Variants in TRPC6 observed in about 807,000 individuals in gnomAD.
TRPC6 encodes short transient receptor potential channel 6.
A neutral mutation model predicts 90.7 loss-of-function variants in TRPC6; 55 were observed. That is an observed-to-expected ratio of 0.61 (90% CI 0.49 to 0.76). The LOEUF (loss-of-function observed/expected upper bound fraction) is 0.76, where lower values mean the gene tolerates loss of function less well. Among genes scored for constraint, TRPC6 ranks in the 30% least tolerant of loss-of-function variants. The pLI is 0.00. For synonymous variants in TRPC6, 393 were observed against 393.0 expected, an observed-to-expected ratio of 1.00 and a Z score of 0.00; for missense variants, 989 against 1,122.7, an observed-to-expected ratio of 0.88 and a Z score of 1.70.
intron 1 of TRPC6, among the ~76,000 whole-genome samples, chr11:101,505,182 G>A (rs1860230388): frequency 6.6e-6 from 1 of 152,180 alleles, no homozygotes; most frequent in Admixed American, 6.5e-5. Context: ...ATTTTAAGAA[G>A]TAGAGACAAT....
At chr11:101,547,800 T>C (rs1314795940) in intron 1 of TRPC6, among the ~76,000 whole-genome samples, 1 of 152,134 alleles carries the variant, frequency 6.6e-6, no homozygotes, top group South Asian at 2.1e-4. Flanking sequence ...TGTATCTTCT[T>C]TGATCCCAGT....
At chr11:101,574,041 A>C (rs1254972782) in intron 1 of TRPC6, among the ~76,000 whole-genome samples, 3 of 150,450 alleles carry the variant, frequency 2.0e-5, no homozygotes, top group African/African-American at 7.4e-5. Context: ...TGGAACTGTT[A>C]CTCAAAACAG....
At position 101,485,455 on chromosome 11, in the gene TRPC6, C is replaced by T. The variant is rs191916457; in HGVS notation, c.1294-2290G>A. 4.7e-4 allele frequency among the ~76,000 whole-genome samples: 72 copies of T among 151,986 alleles called. No individual in the cohort carries two copies. The East Asian group carries it at 9.1e-3, about 19-fold the overall frequency. On this transcript the variant is annotated intron_variant, in intron 4 of 12. Coordinates refer to ENST00000344327, the MANE Select transcript of TRPC6 (RefSeq NM_004621.6). ...TGTTATATTTCCATGATATGTTTCA[C>T]ATAAAATTTTAATTCTATAATGTTT...
intron 1 of TRPC6, among the ~76,000 whole-genome samples, chr11:101,509,255 C>A (rs1860344399): frequency 6.6e-6 from 1 of 151,664 alleles, no homozygotes; most frequent in African/African-American, 2.4e-5. Flanking sequence ...CATGCTACCT[C>A]ACCCAGTTAA....
chr11:101,529,929 A>C (rs897161349), intron 1 of TRPC6, among the ~76,000 whole-genome samples: 2 of 152,218 alleles, frequency 1.3e-5, no homozygotes, highest in Non-Finnish European at 2.9e-5. Flanking sequence ...ATCAAAAATG[A>C]ACGCATCCCC....
At chr11:101,459,841 A>C (rs1272209484) in intron 10 of TRPC6, among the ~76,000 whole-genome samples, 1 of 152,196 alleles carries the variant, frequency 6.6e-6, no homozygotes, top group Admixed American at 6.5e-5. Flanking sequence ...AAATAACAAC[A>C]AGAGCCATTT....
At chr11:101,579,958 C>G (rs897487133) in intron 1 of TRPC6, among the ~76,000 whole-genome samples, 3 of 152,082 alleles carry the variant, frequency 2.0e-5, no homozygotes, top group Non-Finnish European at 2.9e-5. Context: ...CTTTTAATGT[C>G]TTTGTTCTTA....
At chr11:101,539,017 A>G (rs1219392557) in intron 1 of TRPC6, among the ~76,000 whole-genome samples, 1 of 152,236 alleles carries the variant, frequency 6.6e-6, no homozygotes, top group East Asian at 1.9e-4. Flanking sequence ...AGCCAGGCCC[A>G]CCCAGACTGC....
chr11:101,473,227 T>C (rs768080660), intron 7 of TRPC6, among the ~76,000 whole-genome samples: 88 of 152,128 alleles, frequency 5.8e-4, no homozygotes, highest in Admixed American at 4.0e-3. Flanking sequence ...AATTACTTAA[T>C]TTTTGTGAAT....
intron 1 of TRPC6, among the ~76,000 whole-genome samples, chr11:101,550,370 A>G (rs1289511761): frequency 6.6e-6 from 1 of 151,646 alleles, no homozygotes; most frequent in Non-Finnish European, 1.5e-5. Context: ...AAAATCATGC[A>G]TATATATGGA....
intron 4 of TRPC6, among the ~76,000 whole-genome samples, chr11:101,485,519 A>G (rs1859659343): frequency 6.6e-6 from 1 of 152,106 alleles, no homozygotes; most frequent in African/African-American, 2.4e-5. Context: ...AGAGCAAGTG[A>G]AAATGTATTG....
chr11:101,509,641 A>G (rs1860354251), intron 1 of TRPC6, among the ~76,000 whole-genome samples: 1 of 152,134 alleles, frequency 6.6e-6, no homozygotes, highest in Admixed American at 6.5e-5. Flanking sequence ...ATAATGATGT[A>G]TCTTATTTCC....
chr11:101,491,049 A>C (rs548028700), intron 3 of TRPC6, among the ~76,000 whole-genome samples: 1 of 152,338 alleles, frequency 6.6e-6, no homozygotes, highest in Admixed American at 6.5e-5. Flanking sequence ...TTCTATATAA[A>C]TACGTCTAGA....
At chr11:101,494,044 A>G (rs1410647104) in intron 2 of TRPC6, among the ~76,000 whole-genome samples, 1 of 152,230 alleles carries the variant, frequency 6.6e-6, no homozygotes, top group Non-Finnish European at 1.5e-5. Flanking sequence ...AGAATGGCTC[A>G]AACTACTTAT....
At chr11:101,539,934 G>T (rs1329344645) in intron 1 of TRPC6, among the ~76,000 whole-genome samples, 1 of 152,196 alleles carries the variant, frequency 6.6e-6, no homozygotes, top group Non-Finnish European at 1.5e-5. Flanking sequence ...CAGCCATTCA[G>T]AGTCAATCAT....
chr11:101,531,305 A>C (rs1338793371), intron 1 of TRPC6, among the ~76,000 whole-genome samples: 1 of 152,248 alleles, frequency 6.6e-6, no homozygotes, highest in Non-Finnish European at 1.5e-5. Context: ...CCAGCACTTT[A>C]CAAGTGGGAA....
chr11:101,565,942 G>A (rs1230649789), intron 1 of TRPC6, among the ~76,000 whole-genome samples: 4 of 152,102 alleles, frequency 2.6e-5, no homozygotes, highest in African/African-American at 9.7e-5. Context: ...CAGTGTACAT[G>A]TTTAGACAAG....
chr11:101,473,597 A>G lies in TRPC6; in HGVS notation c.1921T>C (p.Phe641Leu). The change falls in exon 7 of 13, where the codon TTC (phenylalanine) becomes CTC (leucine). Residue 641 changes from phenylalanine (F) to leucine (L), a missense_variant. Transcript: ENST00000344327. ...ATAAAGGCCACAAACACCATAATGA[A>G]TATGACCATGAACTTGAAGATGTCT... ...VKDIFKFMVI[F>L]IMVFVAFMIG... 1 of 1,613,794 alleles carries G rather than the reference A, an allele frequency of 6.2e-7. No individual in the cohort carries two copies. Among genetic ancestry groups the G allele is most frequent in the Non-Finnish European group, 8.5e-7 (1 of 1,179,798 alleles).
intron 10 of TRPC6, among the ~76,000 whole-genome samples, chr11:101,466,988 C>A (rs1321166541): frequency 2.6e-5 from 4 of 152,104 alleles, no homozygotes; most frequent in Non-Finnish European, 5.9e-5. Flanking sequence ...ATTCCCCAAC[C>A]CCTTGCGATG....
Sources: gnomAD v4.1 joint callset for allele counts (sites outside exome capture counted in the v4.1 genomes callset) on GRCh38, gnomAD v4.1.1 for gene constraint, MANE v1.5 for transcripts, NCBI Gene and HGNC (gene_info 2026-07-23, HGNC 2026-07-21) for gene names.